The following DGKG variants were observed in gnomAD, a reference collection of about 807,000 sequenced individuals.
DGKG encodes the protein DAG kinase gamma.
Under a neutral mutation model 105.3 loss-of-function variants are expected in DGKG, and 78 were observed. The ratio of observed to expected loss-of-function variants is 0.74; its 90% CI spans 0.62 to 0.89. The LOEUF (loss-of-function observed/expected upper bound fraction) is 0.89, where lower values mean the gene tolerates loss of function less well. Among genes scored for constraint, DGKG ranks in the 40% least tolerant of loss-of-function variants. The pLI is 0.00. For missense variants in DGKG, 958 were observed against 1,020.1 expected (o/e 0.94, Z 0.83); for synonymous variants, 346 against 367.1 (o/e 0.94, Z 0.66).
chr3:186,306,385 T>C (rs912403104), intron 3 of DGKG, among the ~76,000 whole-genome samples: 4 of 151,424 alleles, frequency 2.6e-5, no homozygotes, highest in East Asian at 1.9e-4. Context: ...GGTAGAGATA[T>C]AGAGAAAAGG....
At chr3:186,278,261 G>GAA (rs1365641648) in intron 9 of DGKG, among the ~76,000 whole-genome samples, 2 of 148,466 alleles carry the variant, frequency 1.3e-5, no homozygotes, top group African/African-American at 5.0e-5. Context: ...CCCTAAATGA[G>GAA]AAAAAAAAAA....
chr3:186,187,629 C>T (rs544198624), intron 22 of DGKG, among the ~76,000 whole-genome samples: 12 of 152,246 alleles, frequency 7.9e-5, no homozygotes, highest in Admixed American at 3.9e-4. Flanking sequence ...TGAGTAAGCA[C>T]ATGGTATTTA....
intron 12 of DGKG, 79 bp downstream of exon 12, chr3:186,268,722 G>A (rs878966643): frequency 3.3e-5 from 34 of 1,031,898 alleles, no homozygotes; most frequent in African/African-American, 9.3e-5. Context: ...CCCTCTGGCC[G>A]GATATTCACT....
intron 3 of DGKG, among the ~76,000 whole-genome samples, chr3:186,299,897 C>T (rs369727691): frequency 2.5e-4 from 37 of 148,562 alleles, no homozygotes; most frequent in African/African-American, 8.2e-4. Context: ...TGTAGTGGCA[C>T]GATCTCAGCT....
Position 186,148,267 on chromosome 3 carries a change from C to CGCCTCA in DGKG, c.*1817_*1822dup. The CGCCTCA allele has an allele frequency of 1.0e-6, 1 of 985,326 alleles. No individual in the cohort carries two copies. The highest frequency in any genetic ancestry group is 1.2e-6 in the Non-Finnish European group (1 of 829,960). 61.0% of individuals were successfully genotyped at this position (985,326 alleles called of 1,614,324 possible). A position where few individuals can be genotyped will look rare whatever the true frequency, so the allele number is the denominator to read the frequency against. ...CTGGCTGGCAGTATCTTGCAGAAGA[C>CGCCTCA]GCCTCAGTCCTTCTTGTGACTCTCC... On this transcript the variant is annotated 3_prime_UTR_variant, in exon 25 of 25. Transcript: ENST00000265022.
At chr3:186,294,040 A>C (rs956616785) in intron 5 of DGKG, among the ~76,000 whole-genome samples, 3 of 152,178 alleles carry the variant, frequency 2.0e-5, no homozygotes, top group Non-Finnish European at 4.4e-5. Flanking sequence ...TAGGGGGCTG[A>C]TTTTTCCCAT....
In DGKG at chr3:186,148,977, A is replaced by AT. The variant is rs1491246347; in HGVS notation, c.*1112_*1113insA. 2.3e-5 allele frequency: 17 copies of AT among 743,440 alleles called. No homozygotes were observed. The highest frequency in any genetic ancestry group is 1.3e-4 in the East Asian group (1 of 7,580). 46.1% of individuals were successfully genotyped at this position (743,440 alleles called of 1,614,324 possible). A position where few individuals can be genotyped will look rare whatever the true frequency, so the allele number is the denominator to read the frequency against. ...TAAATATTTATATATATATATATAT[A>AT]AATATATAGGCTAAATATATATATA... is the stretch of plus-strand genomic sequence containing the variant. On this transcript the variant is annotated 3_prime_UTR_variant, in exon 25 of 25. Transcript: ENST00000265022.
intron 2 of DGKG, among the ~76,000 whole-genome samples, chr3:186,307,967 A>G (rs1371080957): frequency 2.0e-5 from 3 of 151,624 alleles, no homozygotes; most frequent in Non-Finnish European, 2.9e-5. Flanking sequence ...CATAACCTCA[A>G]TTATGTCTCA....
At chr3:186,221,377 T>G (rs560481511) in intron 20 of DGKG, among the ~76,000 whole-genome samples, 1 of 152,244 alleles carries the variant, frequency 6.6e-6, no homozygotes, top group Admixed American at 6.5e-5. Flanking sequence ...CCCTCACAGT[T>G]TGGCTGCTTC....
intron 12 of DGKG, among the ~76,000 whole-genome samples, chr3:186,268,305 A>G (rs1722152058): frequency 6.6e-6 from 1 of 152,186 alleles, no homozygotes; most frequent in Admixed American, 6.5e-5. Flanking sequence ...TGCCAGTGGC[A>G]TTCTGGGTGT....
intron 24 of DGKG, among the ~76,000 whole-genome samples, chr3:186,152,601 G>A (rs1269138536): frequency 6.6e-6 from 1 of 152,188 alleles, no homozygotes; most frequent in African/African-American, 2.4e-5. Flanking sequence ...CAGTGGAGAT[G>A]GCTCTGTTGG....
chr3:186,304,544 G>A (rs1724134410), intron 3 of DGKG, among the ~76,000 whole-genome samples: 1 of 152,190 alleles, frequency 6.6e-6, no homozygotes, highest in Admixed American at 6.5e-5. Context: ...CTCCCTAAGT[G>A]AATCCTGCAG....
At chr3:186,352,421 T>C (rs1726677102) in intron 1 of DGKG, among the ~76,000 whole-genome samples, 1 of 152,194 alleles carries the variant, frequency 6.6e-6, no homozygotes, top group South Asian at 2.1e-4. Context: ...CCTGATCTCA[T>C]GAGTTTTCAC....
At chr3:186,188,449 TGTGC>T (rs1225256094) in intron 21 of DGKG, 70 bp from the exon 22 acceptor site, 82 of 1,404,438 alleles carry the variant, frequency 5.8e-5, no homozygotes, top group East Asian at 9.8e-5. Flanking sequence ...GCTCTGTGTG[TGTGC>T]GTGCGTGTGT....
chr3:186,223,873 A>G (rs1302154467), intron 20 of DGKG, among the ~76,000 whole-genome samples: 2 of 152,302 alleles, frequency 1.3e-5, no homozygotes, highest in Non-Finnish European at 2.9e-5. Context: ...CTGCCCCACC[A>G]TGTCTCTGAC....
At position 186,263,942 on chromosome 3, in the gene DGKG, C is replaced by T. The variant is rs79492639; in HGVS notation, c.1269+1305G>A. Among the ~76,000 whole-genome samples the T allele has an allele frequency of 6.7e-3, 1,024 of 152,282 alleles. 5 individuals are homozygous for T. Among genetic ancestry groups the T allele is most frequent in the Non-Finnish European group, 0.01 (681 of 68,020 alleles). ...TGTTTGAAAAGGATAGTAGCATTTC[C>T]GATGATCTAAAAAATTTGTCTCACC... is the stretch of plus-strand genomic sequence containing the variant. On this transcript the variant is annotated intron_variant, in intron 14 of 24. Transcript: ENST00000265022.
At chr3:186,276,895 G>A (rs983591078) in intron 9 of DGKG, among the ~76,000 whole-genome samples, 6 of 152,222 alleles carry the variant, frequency 3.9e-5, no homozygotes, top group African/African-American at 1.4e-4. Flanking sequence ...GGGTGCGTAT[G>A]CATTTGGGCT....
intron 2 of DGKG, among the ~76,000 whole-genome samples, chr3:186,313,194 G>T (rs866838703): frequency 1.2e-4 from 19 of 152,308 alleles, no homozygotes; most frequent in Middle Eastern, 3.4e-3. Context: ...GTGATTAAAT[G>T]ATCTGGGAGG....
At chr3:186,171,425 A>G (rs1716813579) in intron 22 of DGKG, among the ~76,000 whole-genome samples, 2 of 152,196 alleles carry the variant, frequency 1.3e-5, no homozygotes, top group Admixed American at 1.3e-4. Flanking sequence ...GGACCCCTGC[A>G]AATACCAAAA....
Sources: allele counts gnomAD v4.1 joint callset (sites outside exome capture counted in the v4.1 genomes callset), GRCh38; gene constraint gnomAD v4.1.1; transcripts MANE v1.5; gene names NCBI Gene and HGNC (gene_info 2026-07-23, HGNC 2026-07-21).